Variants in MYO5B observed in about 807,000 individuals in gnomAD.
MYO5B encodes myosin VB, also known as unconventional myosin-Vb.
MYO5B carries 143 observed loss-of-function variants against 229.3 expected under a neutral mutation model. That is an observed-to-expected ratio of 0.62 (90% CI 0.54 to 0.72). MYO5B has a LOEUF of 0.72. Ranked by LOEUF, MYO5B falls within the 30% of genes least tolerant of loss-of-function variation. MYO5B has a pLI of 0.00. For missense variants in MYO5B, 2,321 were observed against 2,331.0 expected, an observed-to-expected ratio of 1.00 and a Z score of 0.09; for synonymous variants, 918 against 885.2, an observed-to-expected ratio of 1.04 and a Z score of -0.66.
At chr18:49,937,886 T>C (rs764639982) in intron 14 of MYO5B, among the ~76,000 whole-genome samples, 1 of 152,180 alleles carries the variant, frequency 6.6e-6, no homozygotes, top group Non-Finnish European at 1.5e-5. Context: ...GATTTCTTTT[T>C]GGAGTAATAA....
At chr18:50,095,029 CA>C (rs2031523237) in intron 1 of MYO5B, among the ~76,000 whole-genome samples, 1 of 152,108 alleles carries the variant, frequency 6.6e-6, no homozygotes, top group Non-Finnish European at 1.5e-5. Flanking sequence ...AAGGTTTTGC[CA>C]TGTTGGCCAG....
chr18:50,086,482 G>A (rs1023180838), intron 1 of MYO5B, among the ~76,000 whole-genome samples: 1 of 152,188 alleles, frequency 6.6e-6, no homozygotes, highest in African/African-American at 2.4e-5. Flanking sequence ...CCATTGTGGT[G>A]TGTGCACGTG....
intron 1 of MYO5B, among the ~76,000 whole-genome samples, chr18:50,076,309 G>T (rs1334209782): frequency 6.6e-6 from 1 of 152,126 alleles, no homozygotes; most frequent in Admixed American, 6.5e-5. Flanking sequence ...TTGAGGAGGT[G>T]GCAGTGGACG....
intron 14 of MYO5B, among the ~76,000 whole-genome samples, chr18:49,942,380 C>CAAA (rs753691754): frequency 0.025 from 796 of 32,074 alleles, 14 homozygotes; most frequent in African/African-American, 0.055. Context: ...TTCTGCACAG[C>CAAA]AAAAAAAAAA....
intron 9 of MYO5B, among the ~76,000 whole-genome samples, chr18:49,974,955 T>C (rs1039451896): frequency 3.3e-5 from 5 of 152,166 alleles, no homozygotes; most frequent in Admixed American, 2.6e-4. Flanking sequence ...CCTCCCTCCA[T>C]GCCAGGCTGC....
chr18:50,166,210 G>A (rs967510556), intron 1 of MYO5B, among the ~76,000 whole-genome samples: 2 of 152,166 alleles, frequency 1.3e-5, no homozygotes, highest in African/African-American at 4.8e-5. Context: ...ATTCCTCAGG[G>A]TGAGTTCACC....
At chr18:50,048,535 C>CT (rs2030300149) in intron 2 of MYO5B, among the ~76,000 whole-genome samples, 2 of 152,142 alleles carry the variant, frequency 1.3e-5, no homozygotes, top group African/African-American at 4.8e-5. Context: ...CCTGTGGGTT[C>CT]GTCTCTCCTT....
At chr18:49,946,145 G>T (rs2025370531) in intron 14 of MYO5B, 1 of 151,800 alleles carries the variant, frequency 6.6e-6, no homozygotes. Flanking sequence ...TAAGCCCTAA[G>T]GTCATTAACA....
intron 4 of MYO5B, among the ~76,000 whole-genome samples, chr18:50,016,742 T>C (rs1319909576): frequency 3.3e-5 from 5 of 152,110 alleles, no homozygotes; most frequent in Admixed American, 1.3e-4. Flanking sequence ...ACCATCACAA[T>C]AGAACATTTT....
At chr18:49,973,495 T>G (rs889638892) in intron 10 of MYO5B, among the ~76,000 whole-genome samples, 1 of 152,230 alleles carries the variant, frequency 6.6e-6, no homozygotes, top group African/African-American at 2.4e-5. Flanking sequence ...TAAGATGCCA[T>G]GACTTCTATA....
intron 1 of MYO5B, among the ~76,000 whole-genome samples, chr18:50,100,392 T>C (rs1413617091): frequency 6.6e-6 from 1 of 152,188 alleles, no homozygotes; most frequent in Non-Finnish European, 1.5e-5. Flanking sequence ...CCAGCTTCCT[T>C]TGGTATCTGT....
At chr18:49,962,716 G>A (rs1221066556) in intron 11 of MYO5B, among the ~76,000 whole-genome samples, 3 of 152,066 alleles carry the variant, frequency 2.0e-5, no homozygotes, top group Admixed American at 6.5e-5. Flanking sequence ...AGGAATGGGA[G>A]TCAAAGCCAA....
chr18:49,862,252 C>A (rs972734765), intron 29 of MYO5B, among the ~76,000 whole-genome samples: 1 of 152,162 alleles, frequency 6.6e-6, no homozygotes, highest in African/African-American at 2.4e-5. Flanking sequence ...CCCATCTCAG[C>A]CTCCCAAAGT....
At chr18:50,004,575 T>A (rs1451400223) in intron 4 of MYO5B, among the ~76,000 whole-genome samples, 1 of 152,206 alleles carries the variant, frequency 6.6e-6, no homozygotes, top group East Asian at 1.9e-4. Context: ...TTTACTTAGC[T>A]TTATTGCACT....
At chr18:49,957,223 C>T (rs2025503616) in intron 12 of MYO5B, among the ~76,000 whole-genome samples, 1 of 120,410 alleles carries the variant, frequency 8.3e-6, no homozygotes, top group Non-Finnish European at 1.7e-5. Context: ...TCTCAATGTT[C>T]CCTGTGGATC....
chr18:49,838,598 G>A (rs2024018603), intron 36 of MYO5B, among the ~76,000 whole-genome samples: 1 of 151,660 alleles, frequency 6.6e-6, no homozygotes, highest in Admixed American at 6.6e-5. Flanking sequence ...TTCCTTCCCA[G>A]CCTTTGCAGA....
intron 9 of MYO5B, among the ~76,000 whole-genome samples, chr18:49,977,725 C>T (rs2025767563): frequency 1.3e-5 from 2 of 152,166 alleles, no homozygotes; most frequent in Admixed American, 1.3e-4. Flanking sequence ...CCTCTCTGGG[C>T]CTTATTTTTT....
At chr18:49,983,566 C>T (rs765040750) in intron 8 of MYO5B, among the ~76,000 whole-genome samples, 3 of 152,258 alleles carry the variant, frequency 2.0e-5, no homozygotes, top group Non-Finnish European at 2.9e-5. Context: ...CACCCCATCC[C>T]GGCCCCTGCC....
intron 1 of MYO5B, among the ~76,000 whole-genome samples, chr18:50,073,442 T>C (rs2031005880): frequency 6.6e-6 from 1 of 152,168 alleles, no homozygotes; most frequent in South Asian, 2.1e-4. Context: ...AACTTGGCTT[T>C]CTTGACCACA....
Sources: allele counts gnomAD v4.1 joint callset (sites outside exome capture counted in the v4.1 genomes callset), GRCh38; gene constraint gnomAD v4.1.1; transcripts MANE v1.5; gene names NCBI Gene and HGNC (gene_info 2026-07-23, HGNC 2026-07-21).